PSMD7: variants seen among roughly 807,000 people sequenced by gnomAD.
PSMD7 encodes the protein 26S proteasome non-ATPase regulatory subunit 7.
PSMD7 carries 13 observed loss-of-function variants against 36.4 expected under a neutral mutation model. The ratio of observed to expected loss-of-function variants is 0.36; its 90% confidence interval spans 0.23 to 0.57. PSMD7 has a LOEUF of 0.57. PSMD7 is among the 20% of genes least tolerant of loss of function. The pLI, the probability that PSMD7 is intolerant of heterozygous loss-of-function variation, is 0.83. For missense variants in PSMD7, 298 were observed against 393.6 expected, an observed-to-expected ratio of 0.76 and a Z score of 2.06; for synonymous variants, 186 against 151.0, an observed-to-expected ratio of 1.23 and a Z score of -1.70.
chr16:74,301,448 T>C (rs752955454), intron 3 of PSMD7, 107 bp from the exon 4 acceptor site: 31 of 818,208 alleles, frequency 3.8e-5, no homozygotes, highest in Non-Finnish European at 5.9e-5. Flanking sequence ...ATGTCTGGAA[T>C]TTTCAAAGAG....
At chr16:74,304,201 T>C (rs888731277) in intron 5 of PSMD7, 102 bp from the exon 6 acceptor site, 6 of 1,012,940 alleles carry the variant, frequency 5.9e-6, no homozygotes, top group Non-Finnish European at 9.2e-6. Flanking sequence ...CATGCACTCA[T>C]TAAATGAGCT....
Position 74,296,852 on chromosome 16 carries a change from C to A in PSMD7, c.-63C>A, listed in dbSNP as rs2034115832. 2 of 1,565,746 alleles carry A rather than the reference C, an allele frequency of 1.3e-6. No homozygotes were observed. The highest frequency in any genetic ancestry group is 8.7e-7 in the Non-Finnish European group (1 of 1,143,284). On this transcript the variant is annotated 5_prime_UTR_variant, in exon 1 of 7. Transcript: ENST00000219313. ...CTGGGCCTGAAAGGGTACCGGTGAC[C>A]GCTACTGCTGCCGGTGTTTGCGTGT...
At chr16:74,297,668 C>T (rs895041838) in intron 1 of PSMD7, among the ~76,000 whole-genome samples, 12 of 152,146 alleles carry the variant, frequency 7.9e-5, no homozygotes, top group African/African-American at 1.7e-4. Flanking sequence ...GCCCTGACCC[C>T]GGCCCCAGGG....
intron 2 of PSMD7, among the ~76,000 whole-genome samples, chr16:74,300,743 T>C (rs1350062359): frequency 2.6e-5 from 4 of 152,178 alleles, no homozygotes; most frequent in Non-Finnish European, 4.4e-5. Flanking sequence ...ATTTGCCAAA[T>C]TGAAAAATAT....
At chr16:74,297,649 C>T (rs2034124141) in intron 1 of PSMD7, among the ~76,000 whole-genome samples, 1 of 151,854 alleles carries the variant, frequency 6.6e-6, no homozygotes, top group South Asian at 2.1e-4. Flanking sequence ...GGGTGGCTAC[C>T]TTCATTTGGC....
chr16:74,301,653 G>A lies in PSMD7; in HGVS notation c.357+1G>A, dbSNP rs2034156077. 1.9e-6 allele frequency: 3 copies of A among 1,603,122 alleles called. No individual in the cohort carries two copies. The highest frequency in any genetic ancestry group is 2.6e-6 in the Non-Finnish European group (3 of 1,171,184). On this transcript the variant is annotated splice_donor_variant, in intron 4 of 6. Transcript: ENST00000219313. LOFTEE classifies it high-confidence loss of function. ...CATGAAAAGATACTGTCCTAATTCC[G>A]TAAGTGGTGTCTATTTTTAAAACTC...
Position 74,305,284 on chromosome 16 carries a change from T to TAG in PSMD7, c.531-4_531-3insGA. Reference sequence around the variant, plus strand: ...CCTGCCCTTTTTAACTGTGGGTTATTACAGAGATATCAAAGACACGACGGT... The same window carrying TAG: ...CCTGCCCTTTTTAACTGTGGGTTATTAGACAGAGATATCAAAGACACGACGGT... On this transcript the variant is annotated splice_region_variant and splice_polypyrimidine_tract_variant and intron_variant, in intron 6 of 6. Transcript: ENST00000219313. 6.2e-7 allele frequency: 1 copy of TAG among 1,603,608 alleles called. No homozygotes were observed. Among genetic ancestry groups the TAG allele is most frequent in the Non-Finnish European group, 8.5e-7 (1 of 1,174,222 alleles).
chr16:74,299,972 C>T (rs1044881087), intron 1 of PSMD7, 143 bp from the exon 2 acceptor site: 1 of 721,462 alleles, frequency 1.4e-6, no homozygotes, highest in African/African-American at 1.8e-5. Context: ...TCAACCTAAC[C>T]CTATTACATT....
At chr16:74,301,234 C>G (rs2034152825) in intron 3 of PSMD7, 90 bp downstream of exon 3, 1 of 824,692 alleles carries the variant, frequency 1.2e-6, no homozygotes, top group African/African-American at 1.7e-5. Flanking sequence ...ATCAAGGGCC[C>G]TTTCACTTAG....
intron 1 of PSMD7, among the ~76,000 whole-genome samples, chr16:74,298,209 G>T (rs2034128980): frequency 6.7e-6 from 1 of 149,878 alleles, no homozygotes; most frequent in Non-Finnish European, 1.5e-5. Flanking sequence ...TAATGAATAA[G>T]GTAAGGAAAC....
chr16:74,302,138 G>T, intron 4 of PSMD7, 74 bp from the exon 5 acceptor site: 2 of 1,180,948 alleles, frequency 1.7e-6, no homozygotes, highest in Non-Finnish European at 2.5e-6. Context: ...TTTAGTAATT[G>T]TGAGAAGAAT....
At position 74,303,134 on chromosome 16, in the gene PSMD7, C is replaced by T. The variant is rs150292412; in HGVS notation, c.438+842C>T. On this transcript the variant is annotated intron_variant, in intron 5 of 6. Coordinates refer to ENST00000219313, the MANE Select transcript of PSMD7 (RefSeq NM_002811.5). ...TAAAGGGGACATATGGGTCATGTTA[C>T]AAGGTGAAGCTCAAGAAGAATTAGT... 8.5e-3 allele frequency among the ~76,000 whole-genome samples: 1,294 copies of T among 152,272 alleles called. 22 individuals carry two copies. Among genetic ancestry groups the T allele is most frequent in the African/African-American group, 0.028 (1,171 of 41,560 alleles).
intron 4 of PSMD7, 122 bp downstream of exon 4, chr16:74,301,774 G>A (rs1381524655): frequency 2.7e-6 from 2 of 754,376 alleles, no homozygotes; most frequent in African/African-American, 3.5e-5. Flanking sequence ...ATAAACTTCT[G>A]TTGATTTGTA....
intron 6 of PSMD7, 41 bp downstream of exon 6, chr16:74,304,435 G>T: frequency 6.4e-7 from 1 of 1,558,322 alleles, no homozygotes; most frequent in Non-Finnish European, 8.9e-7. Context: ...CACTGCCCGA[G>T]AGGTCACACA....
In PSMD7 at chr16:74,304,319, C is replaced by T. The variant is rs752309561; in HGVS notation, c.455C>T (p.Ser152Leu). The change falls in exon 6 of 7, where the codon TCG (serine) becomes TTG (leucine). Residue 152 changes from serine (S) to leucine (L), a missense_variant. Transcript: ENST00000219313. ...EEVHDDGTPT[S>L]KTFEHVTSEI... is the part of the protein sequence containing the mutation. ...CTCTCCCAGGATGGAACTCCAACCT[C>T]GAAAACATTTGAACACGTGACCAGT... The T allele has an allele frequency of 2.5e-6, 4 of 1,613,970 alleles. No individual in the cohort carries two copies. The highest frequency in any genetic ancestry group is 1.7e-5 in the Admixed American group (1 of 59,994).
In PSMD7 at chr16:74,305,986, A is replaced by AAAT. The variant is rs1302233061; in HGVS notation, c.*254_*256dup. ...GCTCAGGCTTCAGATTGTATGAGAAAAATGAAGAGAAGTCAACAAATATTT... is the reference window on the plus strand; with the variant it reads ...GCTCAGGCTTCAGATTGTATGAGAAAAATAATGAAGAGAAGTCAACAAATATTT... On this transcript the variant is annotated 3_prime_UTR_variant, in exon 7 of 7. Coordinates refer to ENST00000219313, the MANE Select transcript of PSMD7 (RefSeq NM_002811.5). 13 of 324,254 alleles carry AAAT rather than the reference A, an allele frequency of 4.0e-5. No homozygotes were observed. Among genetic ancestry groups the AAAT allele is most frequent in the Non-Finnish European group, 7.2e-5 (13 of 180,670 alleles). 20.1% of individuals were successfully genotyped at this position (324,254 alleles called of 1,614,324 possible).
chr16:74,299,818 T>G (rs748240655), intron 1 of PSMD7: 4 of 469,226 alleles, frequency 8.5e-6, no homozygotes, highest in Non-Finnish European at 1.5e-5. Context: ...CAGACTAAGA[T>G]CTGGGAAGCT....
chr16:74,296,898 G>T lies in PSMD7; in HGVS notation c.-17G>T, dbSNP rs373517773. ...CGTGTGGCAGGGAGCCAGGCCTGGC[G>T]AGCGGGGTGTGTCGCGATGCCGGAG... On this transcript the variant is annotated 5_prime_UTR_variant, in exon 1 of 7. Transcript: ENST00000219313. The T allele has an allele frequency of 2.5e-6, 4 of 1,612,598 alleles. No individual in the cohort carries two copies.
intron 5 of PSMD7, 102 bp from the exon 6 acceptor site, chr16:74,304,201 T>G: frequency 9.9e-7 from 1 of 1,012,940 alleles, no homozygotes; most frequent in Non-Finnish European, 1.5e-6. Context: ...CATGCACTCA[T>G]TAAATGAGCT....
Sources: gnomAD v4.1 joint callset for allele counts (sites outside exome capture counted in the v4.1 genomes callset) on GRCh38, gnomAD v4.1.1 for gene constraint, MANE v1.5 for transcripts, NCBI Gene and HGNC (gene_info 2026-07-23, HGNC 2026-07-21) for gene names.